HMGCLL1: variants seen among roughly 807,000 people sequenced by gnomAD.
HMGCLL1 encodes the protein 3-hydroxymethyl-3-methylglutaryl-CoA lyase, cytoplasmic.
Under a neutral mutation model 39.1 loss-of-function variants are expected in HMGCLL1, and 36 were observed. That is an observed-to-expected ratio of 0.92 (90% CI 0.71 to 1.22). The LOEUF is 1.22. Among genes scored for constraint, HMGCLL1 ranks in the 50% most tolerant of loss-of-function variants. The pLI, the probability that HMGCLL1 is intolerant of heterozygous loss-of-function variation, is 0.00. For synonymous variants in HMGCLL1, 149 were observed against 144.0 expected (o/e 1.03, Z -0.25); for missense variants, 451 against 416.5 (o/e 1.08, Z -0.72).
At chr6:55,519,318 G>T (rs1185042897) in intron 3 of HMGCLL1, among the ~76,000 whole-genome samples, 1 of 152,080 alleles carries the variant, frequency 6.6e-6, no homozygotes, top group African/African-American at 2.4e-5. Context: ...GAAAAAAAAT[G>T]GTACTGGGAA....
chr6:55,612,767 G>A, the HMGCLL1 span, among the ~76,000 whole-genome samples: 1 of 152,098 alleles, frequency 6.6e-6, no homozygotes. Context: ...ACTGAAAAGG[G>A]ACCCCTTCCT....
chr6:55,532,824 T>A (rs1405946853), intron 3 of HMGCLL1, among the ~76,000 whole-genome samples: 252 of 144,644 alleles, frequency 1.7e-3, no homozygotes, highest in Middle Eastern at 3.6e-3. Flanking sequence ...ATAATAATAA[T>A]AATAATAATA....
At chr6:55,587,851 T>A in the HMGCLL1 span, among the ~76,000 whole-genome samples, 1 of 152,072 alleles carries the variant, frequency 6.6e-6, no homozygotes, top group African/African-American at 2.4e-5. Context: ...CAAGAAGAGC[T>A]AACTATCCTA....
chr6:55,576,300 T>C (rs369542747), intron 1 of HMGCLL1, among the ~76,000 whole-genome samples: 4 of 152,054 alleles, frequency 2.6e-5, no homozygotes, highest in Non-Finnish European at 4.4e-5. Flanking sequence ...GAGAGGAAGG[T>C]AAGCAAACAC....
chr6:55,631,780 T>A, the HMGCLL1 span, among the ~76,000 whole-genome samples: 1 of 152,094 alleles, frequency 6.6e-6, no homozygotes, highest in African/African-American at 2.4e-5. Flanking sequence ...ACATGACAAA[T>A]TAATGAACAC....
chr6:55,511,387 T>G (rs1767449072), intron 5 of HMGCLL1, among the ~76,000 whole-genome samples: 1 of 152,092 alleles, frequency 6.6e-6, no homozygotes, highest in Non-Finnish European at 1.5e-5. Flanking sequence ...TGTGTACACA[T>G]GCATGTGTTG....
At chr6:55,572,121 A>G (rs563459292) in intron 1 of HMGCLL1, among the ~76,000 whole-genome samples, 6 of 152,310 alleles carry the variant, frequency 3.9e-5, no homozygotes, top group African/African-American at 2.4e-5. Context: ...AGTCAAGAGC[A>G]TAAACAAGCC....
At chr6:55,596,142 T>C in the HMGCLL1 span, among the ~76,000 whole-genome samples, 8 of 152,094 alleles carry the variant, frequency 5.3e-5, no homozygotes, top group African/African-American at 1.9e-4. Context: ...CTGACCAACA[T>C]GGTGAAACCC....
the HMGCLL1 span, among the ~76,000 whole-genome samples, chr6:55,663,826 A>G: frequency 6.6e-6 from 1 of 151,852 alleles, no homozygotes; most frequent in South Asian, 2.1e-4. Context: ...GTAGAGCTCT[A>G]AGAACTTGCT....
chr6:55,565,879 C>G (rs1771186864), intron 1 of HMGCLL1, among the ~76,000 whole-genome samples: 1 of 151,906 alleles, frequency 6.6e-6, no homozygotes. Context: ...AGACACAGTC[C>G]TAAAACCTAG....
chr6:55,516,478 C>T (rs1378842330), intron 4 of HMGCLL1, 30 bp downstream of exon 4: 3 of 1,388,978 alleles, frequency 2.2e-6, no homozygotes, highest in Admixed American at 1.7e-5. Context: ...AGAGGCCTAT[C>T]AATTTTAGAG....
At chr6:55,622,854 T>A in the HMGCLL1 span, among the ~76,000 whole-genome samples, 1 of 152,076 alleles carries the variant, frequency 6.6e-6, no homozygotes, top group South Asian at 2.1e-4. Flanking sequence ...GTTCTTTATA[T>A]GTTTAATAAT....
the HMGCLL1 span, among the ~76,000 whole-genome samples, chr6:55,650,108 TATATATATATATATATATATATATATAC>T: frequency 1.4e-3 from 105 of 75,786 alleles, 3 homozygotes; most frequent in African/African-American, 5.3e-3. Flanking sequence ...TATATATATA[TATATATATATATATATATATATATATAC>T]ACACACACAC....
the HMGCLL1 span, among the ~76,000 whole-genome samples, chr6:55,646,485 C>T: frequency 1.3e-5 from 2 of 151,424 alleles, no homozygotes; most frequent in African/African-American, 2.4e-5. Context: ...ATATTAGGTT[C>T]TTCTTTAGTG....
intron 7 of HMGCLL1, among the ~76,000 whole-genome samples, chr6:55,487,666 T>G (rs1766103731): frequency 6.6e-6 from 1 of 152,114 alleles, no homozygotes; most frequent in Non-Finnish European, 1.5e-5. Context: ...ATGGTGTGTA[T>G]GTGCCACATT....
chr6:55,459,060 T>C (rs1470306669), intron 7 of HMGCLL1, among the ~76,000 whole-genome samples: 1 of 152,098 alleles, frequency 6.6e-6, no homozygotes, highest in East Asian at 1.9e-4. Context: ...GTTGAATGAG[T>C]TCAAATTTCA....
At chr6:55,439,807 A>G in intron 7 of HMGCLL1, 1 of 352,966 alleles carries the variant, frequency 2.8e-6, no homozygotes, top group Non-Finnish European at 5.1e-6. Context: ...GATCAAAAGT[A>G]AAATGGTGTT....
chr6:55,547,325 C>T (rs141653454), intron 1 of HMGCLL1, among the ~76,000 whole-genome samples: 35 of 151,992 alleles, frequency 2.3e-4, no homozygotes, highest in Admixed American at 4.6e-4. Context: ...TGTATGCCAG[C>T]GTGTGTATGC....
the HMGCLL1 span, among the ~76,000 whole-genome samples, chr6:55,627,921 A>ACT: frequency 0.025 from 52 of 2,116 alleles, 5 homozygotes; most frequent in African/African-American, 0.061. Flanking sequence ...ATATATATAT[A>ACT]ATATATATAC....
Sources: gnomAD v4.1 joint callset for allele counts (sites outside exome capture counted in the v4.1 genomes callset) on GRCh38, gnomAD v4.1.1 for gene constraint, MANE v1.5 for transcripts, NCBI Gene and HGNC (gene_info 2026-07-23, HGNC 2026-07-21) for gene names.